FKBP10: variants seen among roughly 807,000 people sequenced by gnomAD.
FKBP10 encodes peptidyl-prolyl cis-trans isomerase FKBP10.
FKBP10 carries 34 observed loss-of-function variants against 53.7 expected under a neutral mutation model. The observed-to-expected ratio is 0.63, with a 90% CI of 0.48 to 0.84. The LOEUF is 0.84. Ranked by LOEUF, FKBP10 falls within the 40% of genes least tolerant of loss-of-function variation. FKBP10 has a pLI of 0.00. For synonymous variants in FKBP10, 324 were observed against 335.7 expected (o/e 0.97, Z 0.38); for missense variants, 748 against 797.8 (o/e 0.94, Z 0.75).
intron 9 of FKBP10, 92 bp downstream of exon 9, chr17:41,821,909 C>T: frequency 1.3e-6 from 2 of 1,512,452 alleles, no homozygotes; most frequent in Non-Finnish European, 1.8e-6. Context: ...CCGGACTGCC[C>T]ACCCGCCCTG....
At chr17:41,820,807 G>C (rs1211567468) in intron 7 of FKBP10, 140 bp from the exon 8 acceptor site, 18 of 1,210,078 alleles carry the variant, frequency 1.5e-5, no homozygotes, top group Non-Finnish European at 1.9e-5. Flanking sequence ...CTGGGCCCCT[G>C]CACTCTGCTG....
chr17:41,821,111 C>CTTTTTTTTT, intron 8 of FKBP10, 22 bp downstream of exon 8: 2 of 549,142 alleles, frequency 3.6e-6, no homozygotes, highest in Non-Finnish European at 5.2e-6. Context: ...AGACCATAAT[C>CTTTTTTTTT]TTTTTTTTTT....
chr17:41,819,000 A>C, intron 4 of FKBP10: 1 of 592,548 alleles, frequency 1.7e-6, no homozygotes, highest in South Asian at 2.0e-5. Context: ...TCTGATTCAC[A>C]CGAAGGCTCA....
At position 41,819,690 on chromosome 17, in the gene FKBP10, C is replaced by T; in HGVS notation, c.1063+15C>T. On this transcript the variant is annotated intron_variant, in intron 6 of 9. Coordinates refer to ENST00000321562, the MANE Select transcript of FKBP10 (RefSeq NM_021939.4). ...GAATGGAACTGGTAGGGGCGTTCCC[C>T]AGCCACCACCTCAGCTCCTCCTCCG... 2 of 1,589,456 alleles carry T rather than the reference C, an allele frequency of 1.3e-6. No homozygotes were observed.
At chr17:41,815,090 T>C (rs999450290) in intron 1 of FKBP10, among the ~76,000 whole-genome samples, 14 of 151,906 alleles carry the variant, frequency 9.2e-5, no homozygotes, top group Admixed American at 6.6e-4. Context: ...GCTAATTTTT[T>C]TGTATTTTTA....
chr17:41,819,459 G>T (rs2047860873), intron 5 of FKBP10, 60 bp downstream of exon 5: 9 of 1,613,734 alleles, frequency 5.6e-6, no homozygotes, highest in Non-Finnish European at 8.5e-7. Context: ...GAAGCTGGGG[G>T]TCACTCTGAG....
rs1232267032 is a variant in FKBP10 at position 41,819,552 on chromosome 17, A to G, written c.940A>G (p.Asn314Asp). The G allele has an allele frequency of 2.5e-6, 4 of 1,613,944 alleles. No individual in the cohort carries two copies. In the Admixed American group the frequency reaches 5.0e-5, roughly 20 times the overall value. ...DSSYSRNHTY[N>D]TYIGQGYIIP... ...CAGCTACTCCCGCAACCACACCTAC[A>G]ATACCTATATCGGGCAGGGTTACAT... The change falls in exon 6 of 10, where the codon AAT (asparagine) becomes GAT (aspartate). Residue 314 changes from asparagine (N) to aspartate (D), a missense_variant. Physicochemically the swap from Asn to Asp is conservative, Grantham distance 23. Transcript: ENST00000321562.
intron 4 of FKBP10, chr17:41,818,973 A>T: frequency 1.9e-6 from 1 of 526,142 alleles, no homozygotes; most frequent in Non-Finnish European, 3.4e-6. Context: ...AAAAAAAAAA[A>T]AGAAGGGGTG....
chr17:41,821,109 ATCTTT>A lies in FKBP10; in HGVS notation c.1399+22_1399+26del, dbSNP rs1233252526. On this transcript the variant is annotated intron_variant, in intron 8 of 9. Coordinates refer to ENST00000321562, the MANE Select transcript of FKBP10 (RefSeq NM_021939.4). The stretch of plus-strand genomic sequence containing the variant: ...GTGGAGGTGAGGGGCTGAGACCATA[ATCTTT>A]TTTTTTTTTTTTTTTTTTTTTTTTT... 4 of 1,231,924 alleles carry A rather than the reference ATCTTT, an allele frequency of 3.2e-6. No individual in the cohort carries two copies. Among genetic ancestry groups the A allele is most frequent in the African/African-American group, 1.8e-5 (1 of 55,288 alleles). 76.3% of individuals were successfully genotyped at this position (1,231,924 alleles called of 1,614,324 possible).
chr17:41,822,390 G>A lies in FKBP10; in HGVS notation c.1731G>A (p.Arg577=). ...TGAAGTCAGATGAGGACGAGGAGCG[G>A]GTCCACGAGGAGCTCTGAGGGGCAG... is the stretch of plus-strand genomic sequence containing the variant. ...LKLKSDEDEE[R]VHEEL The change falls in exon 10 of 10, where the codon CGG becomes CGA. Residue 577 remains arginine, a synonymous_variant. Transcript: ENST00000321562. The A allele has an allele frequency of 6.2e-7, 1 of 1,608,140 alleles. No homozygotes were observed. The highest frequency in any genetic ancestry group is 8.5e-7 in the Non-Finnish European group (1 of 1,177,312).
chr17:41,819,286 C>T lies in FKBP10; in HGVS notation c.804C>T (p.Val268=). 6.2e-7 allele frequency: 1 copy of T among 1,614,182 alleles called. No homozygotes were observed. The highest frequency in any genetic ancestry group is 8.5e-7 in the Non-Finnish European group (1 of 1,180,054). ...LIDVHNPKDA[V]QLETLELPPG... ...ACGTGCACAACCCGAAGGACGCTGT[C>T]CAGCTAGAGACGCTGGAGCTCCCCC... is the stretch of plus-strand genomic sequence containing the variant. Residue 268 remains valine, a synonymous_variant, in exon 5 of 10, where the codon GTC becomes GTT. Coordinates refer to ENST00000321562, the MANE Select transcript of FKBP10 (RefSeq NM_021939.4).
chr17:41,822,214 C>A lies in FKBP10; in HGVS notation c.1564-9C>A. 1 of 1,610,898 alleles carries A rather than the reference C, an allele frequency of 6.2e-7. No individual in the cohort carries two copies. ...CACTGCCCGCTCCCCCGGCTCTCCC[C>A]TGCCCCAGTTCTCCACCTTCATCAA... On this transcript the variant is annotated splice_polypyrimidine_tract_variant and intron_variant, in intron 9 of 9. Transcript: ENST00000321562.
chr17:41,817,102 G>T lies in FKBP10; in HGVS notation c.290G>T (p.Arg97Leu). 1 of 1,614,100 alleles carries T rather than the reference G, an allele frequency of 6.2e-7. No homozygotes were observed. Among genetic ancestry groups the T allele is most frequent in the South Asian group, 1.1e-5 (1 of 91,084 alleles). The part of the protein sequence containing the change: ...TLVAIVVGVG[R>L]LITGMDRGLM... Reference sequence around the variant, plus strand: ...GTGGCCATCGTGGTGGGTGTGGGGCGCCTCATCACTGGCATGGACCGAGGC... The same window carrying T: ...GTGGCCATCGTGGTGGGTGTGGGGCTCCTCATCACTGGCATGGACCGAGGC... Residue 97 changes from arginine to leucine, a missense_variant, in exon 2 of 10, where the codon CGC becomes CTC. Physicochemically the swap from Arg to Leu is moderately radical, Grantham distance 102. Transcript: ENST00000321562.
chr17:41,822,344 T>C lies in FKBP10; in HGVS notation c.1685T>C (p.Ile562Thr). 6.2e-7 allele frequency: 1 copy of C among 1,613,412 alleles called. No homozygotes were observed. Among genetic ancestry groups the C allele is most frequent in the Non-Finnish European group, 8.5e-7 (1 of 1,179,766 alleles). The change falls in exon 10 of 10, where the codon ATC becomes ACC. Residue 562 changes from isoleucine to threonine, a missense_variant. Ile to Thr is a moderately conservative substitution (Grantham distance 89). Transcript: ENST00000321562. ...CAGGACCGCAACCAGGACGGCAAGA[T>C]CACAGTCGACGAGCTCAAGCTGAAG... Reference protein sequence around the residue: ...QNQDRNQDGKITVDELKLKSD... With the variant: ...QNQDRNQDGKTTVDELKLKSD...
At chr17:41,821,179 G>A (rs1006417234) in intron 8 of FKBP10, 90 bp downstream of exon 8, 97 of 1,447,692 alleles carry the variant, frequency 6.7e-5, no homozygotes, top group Non-Finnish European at 8.6e-5. Context: ...CTGGAGTGCA[G>A]TGGTGTGCTC....
intron 2 of FKBP10, among the ~76,000 whole-genome samples, chr17:41,817,618 C>G (rs1292387346): frequency 2.2e-5 from 3 of 133,580 alleles, no homozygotes; most frequent in African/African-American, 8.0e-5. Flanking sequence ...GAGCAAAACC[C>G]CTCTTTTTTT....
In FKBP10 at chr17:41,813,069, T is replaced by C; in HGVS notation, c.35T>C (p.Leu12Pro). The C allele has an allele frequency of 6.2e-7, 1 of 1,610,446 alleles. No individual in the cohort carries two copies. The highest frequency in any genetic ancestry group is 8.5e-7 in the Non-Finnish European group (1 of 1,179,674). Residue 12 changes from leucine to proline, a missense_variant, in exon 1 of 10, where the codon CTC becomes CCC. By Grantham distance (98) the Leu-to-Pro change is moderately conservative. Coordinates refer to ENST00000321562, the MANE Select transcript of FKBP10 (RefSeq NM_021939.4). Reference sequence around the variant, plus strand: ...GCGGGCCCCCCCAGCCACAGCCTCCTCCGGCTCCCCCTGCTGCAGTTGCTG... The same window carrying C: ...GCGGGCCCCCCCAGCCACAGCCTCCCCCGGCTCCCCCTGCTGCAGTTGCTG... ...FPAGPPSHSL[L>P]RLPLLQLLLL...
chr17:41,819,886 G>A lies in FKBP10; in HGVS notation c.1063+211G>A, dbSNP rs377206833. On this transcript the variant is annotated intron_variant, in intron 6 of 9. Transcript: ENST00000321562. ...GGCAGCGCCCCACTTCGCCCCTTCC[G>A]CAGTGGAGAAGGGCAGCCAAGTTTG... 39 of 1,542,772 alleles carry A rather than the reference G, an allele frequency of 2.5e-5. No homozygotes were observed. In the Middle Eastern group the frequency reaches 8.4e-4, roughly 33 times the overall value.
intron 4 of FKBP10, among the ~76,000 whole-genome samples, 167 bp downstream of exon 4, chr17:41,818,694 G>A (rs544262376): frequency 6.6e-6 from 1 of 151,698 alleles, no homozygotes; most frequent in South Asian, 2.1e-4. Context: ...TTGGCCGGGC[G>A]TGGTGGCTCA....
Sources: gnomAD v4.1 joint callset for allele counts (sites outside exome capture counted in the v4.1 genomes callset) on GRCh38, gnomAD v4.1.1 for gene constraint, MANE v1.5 for transcripts, NCBI Gene and HGNC (gene_info 2026-07-23, HGNC 2026-07-21) for gene names.